Variants in C15orf61 observed in about 807,000 individuals in gnomAD.
The protein encoded by C15orf61 is uncharacterized protein C15orf61.
In C15orf61, 12 loss-of-function variants were observed where a neutral mutation model predicts 13.7. That is an observed-to-expected ratio of 0.88 (90% CI 0.56 to 1.42). The LOEUF (loss-of-function observed/expected upper bound fraction) is 1.42, where lower values mean the gene tolerates loss of function less well. Ranked by LOEUF, C15orf61 falls within the 40% of genes most tolerant of loss-of-function variation. C15orf61 has a pLI of 0.00. For synonymous variants in C15orf61, 92 were observed against 94.1 expected, an observed-to-expected ratio of 0.98 and a Z score of 0.13; for missense variants, 248 against 213.2, an observed-to-expected ratio of 1.16 and a Z score of -1.02.
rs1270333992 is a variant in C15orf61, at chr15:67,527,575, TACAAAC to T, written c.*1032_*1037del. ...TAAGATTTATGATCTCTCCCATAAT[TACAAAC>T]ATACATTATATATCATTTTATGTTA... On this transcript the variant is annotated 3_prime_UTR_variant, in exon 2 of 2. Transcript: ENST00000342683. 3 of 152,148 alleles carry T rather than the reference TACAAAC, an allele frequency of 2.0e-5. No individual in the cohort carries two copies. Among genetic ancestry groups the T allele is most frequent in the Admixed American group, 2.0e-4 (3 of 15,288 alleles). 9.4% of individuals were successfully genotyped at this position (152,148 alleles called of 1,614,324 possible).
Position 67,525,510 on chromosome 15 carries a change from T to G in C15orf61, c.347-908T>G, listed in dbSNP as rs1476327156. Among the ~76,000 whole-genome samples the G allele has an allele frequency of 6.6e-6, 1 of 152,254 alleles. No individual in the cohort carries two copies. The highest frequency in any genetic ancestry group is 1.5e-5 in the Non-Finnish European group (1 of 68,054). On this transcript the variant is annotated intron_variant, in intron 1 of 1. Transcript: ENST00000342683. This position sits in a 1 kb window ranked among gnomAD's most constrained non-coding sequence, Gnocchi z 4.9. ...CAAAGAAGAAACACATGTTGGAGTCTACTATATATCTATTTCAAATTGGTT... is the reference window on the plus strand; with the variant it reads ...CAAAGAAGAAACACATGTTGGAGTCGACTATATATCTATTTCAAATTGGTT...
At chr15:67,522,316 C>A in intron 1 of C15orf61, 1 of 679,306 alleles carries the variant, frequency 1.5e-6, no homozygotes, top group Non-Finnish European at 2.6e-6. Context: ...TTTGAACTTA[C>A]TAATAGCTGG....
In C15orf61 at chr15:67,521,133, A is replaced by G; in HGVS notation, c.-116A>G. On this transcript the variant is annotated 5_prime_UTR_variant, in exon 1 of 2. Coordinates refer to ENST00000342683, the MANE Select transcript of C15orf61 (RefSeq NM_001143936.2). ...CCGCTGTGCGCACGCGCCGCCGCAC[A>G]CCGGGGGCTCTCGGGCACCCGCGCG... 2 of 571,138 alleles carry G rather than the reference A, an allele frequency of 3.5e-6. No individual in the cohort carries two copies. Among genetic ancestry groups the G allele is most frequent in the Non-Finnish European group, 4.6e-6 (2 of 436,426 alleles). 35.4% of individuals were successfully genotyped at this position (571,138 alleles called of 1,614,324 possible).
At chr15:67,521,846 C>A (rs1216827733) in intron 1 of C15orf61, 9 of 614,448 alleles carry the variant, frequency 1.5e-5, no homozygotes, top group Non-Finnish European at 2.6e-5. Context: ...GCGGGTCGCC[C>A]TCCTGTCCTG....
chr15:67,529,031 G>A lies in C15orf61; in HGVS notation c.*2486G>A, dbSNP rs532350003. On this transcript the variant is annotated 3_prime_UTR_variant, in exon 2 of 2. Coordinates refer to ENST00000342683, the MANE Select transcript of C15orf61 (RefSeq NM_001143936.2). This position sits in a 1 kb window ranked among gnomAD's most constrained non-coding sequence, Gnocchi z 4.4. The stretch of plus-strand genomic sequence containing the variant: ...AGAGGCCCTTCTCTTCTGCATATCA[G>A]TAGTTTTCTTAATTGGTGAAACCAC... 19 of 152,312 alleles carry A rather than the reference G, an allele frequency of 1.2e-4. No individual in the cohort carries two copies. The highest frequency in any genetic ancestry group is 4.6e-4 in the African/African-American group (19 of 41,566). The allele number at this position is 152,312 out of a possible 1,614,324, so 9.4% of individuals were successfully genotyped here.
chr15:67,521,721 G>T (rs1178840021), intron 1 of C15orf61, 127 bp downstream of exon 1: 24 of 998,710 alleles, frequency 2.4e-5, no homozygotes, highest in Non-Finnish European at 3.1e-5. Flanking sequence ...GCCTCCCGGC[G>T]CCGGCTTCGC....
Position 67,526,635 on chromosome 15 carries a change from C to G in C15orf61, c.*90C>G, listed in dbSNP as rs981052310. 11 of 1,272,706 alleles carry G rather than the reference C, an allele frequency of 8.6e-6. No individual in the cohort carries two copies. In the African/African-American group the frequency reaches 1.4e-4, roughly 16 times the overall value. The allele number at this position is 1,272,706 out of a possible 1,614,324, so 78.8% of individuals were successfully genotyped here. A position where few individuals can be genotyped will look rare whatever the true frequency, so the allele number is the denominator to read the frequency against. On this transcript the variant is annotated 3_prime_UTR_variant, in exon 2 of 2. Transcript: ENST00000342683. ...TTGATCCTTTAAAATAAAACTTTTG[C>G]AAATACTTTTTTCTTTCTACAGTAT... is the stretch of plus-strand genomic sequence containing the variant.
chr15:67,522,567 A>G (rs2084174175), intron 1 of C15orf61, among the ~76,000 whole-genome samples: 1 of 152,198 alleles, frequency 6.6e-6, no homozygotes, highest in African/African-American at 2.4e-5. Flanking sequence ...CTGTCCTGTA[A>G]GGAGATAATT....
Position 67,525,408 on chromosome 15 carries a change from A to C in C15orf61, c.347-1010A>C, listed in dbSNP as rs571939787. 4.6e-4 allele frequency among the ~76,000 whole-genome samples: 70 copies of C among 152,350 alleles called. No homozygotes were observed. The highest frequency in any genetic ancestry group is 3.4e-3 in the Middle Eastern group (1 of 294). On this transcript the variant is annotated intron_variant, in intron 1 of 1. Coordinates refer to ENST00000342683, the MANE Select transcript of C15orf61 (RefSeq NM_001143936.2). The surrounding 1 kb of genome is among the most constrained non-coding windows in gnomAD (Gnocchi z 4.9). ...TTATATGCATGTGAGTGCTTAATAC[A>C]TATCTCTGGATAGTGTGTTTAGTTT...
rs2084159780 is a variant in C15orf61, at chr15:67,521,404, C to G, written c.156C>G (p.Cys52Trp). 6.5e-7 allele frequency: 1 copy of G among 1,543,232 alleles called. No individual in the cohort carries two copies. Among genetic ancestry groups the G allele is most frequent in the Non-Finnish European group, 8.7e-7 (1 of 1,146,560 alleles). ...QRRLPHWTSF[C>W]VPYSAVRNDQ... ...GCCTGCCGCACTGGACCTCCTTCTG[C>G]GTGCCCTACAGCGCCGTCCGCAACG... The change falls in exon 1 of 2, where the codon TGC becomes TGG. Residue 52 changes from cysteine (C) to tryptophan (W), a missense_variant. Cys to Trp is a radical substitution (Grantham distance 215). Transcript: ENST00000342683.
At chr15:67,521,716 C>G (rs1208744176) in intron 1 of C15orf61, 122 bp downstream of exon 1, 1 of 1,050,524 alleles carries the variant, frequency 9.5e-7, no homozygotes, top group Non-Finnish European at 1.3e-6. Context: ...GCTCTGCCTC[C>G]CGGCGCCGGC....
chr15:67,526,470 A>G lies in C15orf61; in HGVS notation c.399A>G (p.Thr133=), dbSNP rs1156583770. ...GCTCCTGGTTATTTGCCAGAGTCAC[A>G]GAGACTGTGCATACCAGTTATGGAC... ...GLGSWLFARV[T]ETVHTSYGPI... Residue 133 remains threonine, a synonymous_variant, in exon 2 of 2, where the codon ACA becomes ACG. Coordinates refer to ENST00000342683, the MANE Select transcript of C15orf61 (RefSeq NM_001143936.2). The G allele has an allele frequency of 5.1e-5, 78 of 1,541,080 alleles. No individual in the cohort carries two copies. The highest frequency in any genetic ancestry group is 6.4e-5 in the Non-Finnish European group (73 of 1,137,646).
rs752386874 is a variant in C15orf61 at position 67,526,510 on chromosome 15, T to C, written c.439T>C (p.Phe147Leu). The C allele has an allele frequency of 6.5e-7, 1 of 1,539,400 alleles. No homozygotes were observed. Among genetic ancestry groups the C allele is most frequent in the African/African-American group, 1.4e-5 (1 of 72,694 alleles). Residue 147 changes from phenylalanine (F) to leucine (L), a missense_variant, in exon 2 of 2, where the codon TTT becomes CTT. By Grantham distance (22) the Phe-to-Leu change is conservative. Transcript: ENST00000342683. ...HTSYGPITVY[F>L]LNKEDEGAMY is the part of the protein sequence containing the mutation. Reference sequence around the variant, plus strand: ...CAGTTATGGACCCATAACAGTTTATTTTCTCAATAAAGAAGATGAAGGTGC... The same window carrying C: ...CAGTTATGGACCCATAACAGTTTATCTTCTCAATAAAGAAGATGAAGGTGC...
intron 1 of C15orf61, chr15:67,522,271 T>G (rs1477203861): frequency 1.6e-5 from 11 of 699,584 alleles, no homozygotes; most frequent in Admixed American, 1.0e-4. Flanking sequence ...GTGTATCTTT[T>G]ATAGGTCAGG....
chr15:67,529,158 CTT>C lies in C15orf61; in HGVS notation c.*2614_*2615del, dbSNP rs2084215006. 1 of 152,130 alleles carries C rather than the reference CTT, an allele frequency of 6.6e-6. No homozygotes were observed. The highest frequency in any genetic ancestry group is 1.5e-5 in the Non-Finnish European group (1 of 68,020). The allele number at this position is 152,130 out of a possible 1,614,324, so 9.4% of individuals were successfully genotyped here. On this transcript the variant is annotated 3_prime_UTR_variant, in exon 2 of 2. Coordinates refer to ENST00000342683, the MANE Select transcript of C15orf61 (RefSeq NM_001143936.2). The surrounding 1 kb of genome is among the most constrained non-coding windows in gnomAD (Gnocchi z 4.4). The stretch of plus-strand genomic sequence containing the variant: ...ACTTTTAGTACAAAACCTTGCATCT[CTT>C]CTATTGTTATTTCTATACAAATGAA...
At position 67,526,731 on chromosome 15, in the gene C15orf61, C is replaced by CT; in HGVS notation, c.*187dup. 1 of 452,294 alleles carries CT rather than the reference C, an allele frequency of 2.2e-6. No homozygotes were observed. Among genetic ancestry groups the CT allele is most frequent in the Non-Finnish European group, 3.7e-6 (1 of 272,246 alleles). 28.0% of individuals were successfully genotyped at this position (452,294 alleles called of 1,614,324 possible). Reference sequence around the variant, plus strand: ...TATACATCGTTATATATTACATACTCTGTTTAGCTGATGTGAACTACAAAC... The same window carrying CT: ...TATACATCGTTATATATTACATACTCTTGTTTAGCTGATGTGAACTACAAAC... On this transcript the variant is annotated 3_prime_UTR_variant, in exon 2 of 2. Transcript: ENST00000342683.
In C15orf61 at chr15:67,527,587, T is replaced by G. The variant is rs543893921; in HGVS notation, c.*1042T>G. 3 of 152,326 alleles carry G rather than the reference T, an allele frequency of 2.0e-5. No homozygotes were observed. The highest frequency in any genetic ancestry group is 7.2e-5 in the African/African-American group (3 of 41,582). 9.4% of individuals were successfully genotyped at this position (152,326 alleles called of 1,614,324 possible). On this transcript the variant is annotated 3_prime_UTR_variant, in exon 2 of 2. Transcript: ENST00000342683. ...TCTCTCCCATAATTACAAACATACA[T>G]TATATATCATTTTATGTTAATGTGT...
At position 67,521,243 on chromosome 15, in the gene C15orf61, C is replaced by A; in HGVS notation, c.-6C>A. 1 of 1,228,388 alleles carries A rather than the reference C, an allele frequency of 8.1e-7. No individual in the cohort carries two copies. Among genetic ancestry groups the A allele is most frequent in the South Asian group, 3.8e-5 (1 of 26,370 alleles). 76.1% of individuals were successfully genotyped at this position (1,228,388 alleles called of 1,614,324 possible). On this transcript the variant is annotated 5_prime_UTR_variant, in exon 1 of 2. Coordinates refer to ENST00000342683, the MANE Select transcript of C15orf61 (RefSeq NM_001143936.2). Reference sequence around the variant, plus strand: ...ACACCAGCCTGCGTCCCCGGCGCGGCGGGCCATGGAGGCCCTGAGGAGGGC... The same window carrying A: ...ACACCAGCCTGCGTCCCCGGCGCGGAGGGCCATGGAGGCCCTGAGGAGGGC...
At chr15:67,522,119 G>T (rs1365673541) in intron 1 of C15orf61, 1 of 701,638 alleles carries the variant, frequency 1.4e-6, no homozygotes, top group African/African-American at 1.8e-5. Flanking sequence ...ACAGCTTCCT[G>T]AGGTGCTAGG....
Sources: gnomAD v4.1 joint callset for allele counts (sites outside exome capture counted in the v4.1 genomes callset) on GRCh38, gnomAD v4.1.1 for gene constraint, Gnocchi (gnomAD v3.1) non-coding constraint, MANE v1.5 for transcripts, NCBI Gene and HGNC (gene_info 2026-07-23, HGNC 2026-07-21) for gene names.